The following WDFY4 variants were observed in gnomAD, a reference collection of about 807,000 sequenced individuals.
WDFY4 encodes the protein WD repeat- and FYVE domain-containing protein 4.
WDFY4 carries 169 observed loss-of-function variants against 351.9 expected under a neutral mutation model. That is an observed-to-expected ratio of 0.48 (90% CI 0.42 to 0.55). The LOEUF (loss-of-function observed/expected upper bound fraction) is 0.55. WDFY4 is among the 20% of genes least tolerant of loss of function. WDFY4 has a pLI of 0.00. For missense variants in WDFY4, 3,803 were observed against 3,935.6 expected, an observed-to-expected ratio of 0.97 and a Z score of 0.90; for synonymous variants, 1,622 against 1,574.6, an observed-to-expected ratio of 1.03 and a Z score of -0.71.
At chr10:48,917,954 G>A (rs1284405135) in intron 47 of WDFY4, among the ~76,000 whole-genome samples, 3 of 152,136 alleles carry the variant, frequency 2.0e-5, no homozygotes, top group Admixed American at 6.5e-5. Flanking sequence ...CTACATAACG[G>A]GGAAGTGAGC....
intron 3 of WDFY4, 107 bp from the exon 4 acceptor site, chr10:48,721,154 T>G (rs1028270204): frequency 1.7e-5 from 18 of 1,072,984 alleles, no homozygotes; most frequent in Non-Finnish European, 2.5e-5. Flanking sequence ...GATGCCAAAG[T>G]CCTCTACAGA....
intron 19 of WDFY4, among the ~76,000 whole-genome samples, chr10:48,781,238 G>A (rs2066212038): frequency 6.6e-6 from 1 of 151,928 alleles, no homozygotes; most frequent in South Asian, 2.1e-4. Context: ...ATGTGTGTGT[G>A]TGTGTGTATA....
chr10:48,907,993 C>T (rs532385981), intron 47 of WDFY4, among the ~76,000 whole-genome samples: 1 of 152,308 alleles, frequency 6.6e-6, no homozygotes, highest in South Asian at 2.1e-4. Context: ...ACACATTTGG[C>T]TTTGTGGGCC....
chr10:48,690,244 A>C (rs1179626206), intron 1 of WDFY4, among the ~76,000 whole-genome samples: 1 of 152,252 alleles, frequency 6.6e-6, no homozygotes, highest in Non-Finnish European at 1.5e-5. Context: ...GTGATCCATC[A>C]GGAGGATGCT....
chr10:48,777,576 A>G, intron 17 of WDFY4, 81 bp downstream of exon 17: 1 of 1,347,562 alleles, frequency 7.4e-7, no homozygotes, highest in Non-Finnish European at 1.0e-6. Context: ...GCAGATTTTT[A>G]CTTGGTGTTT....
intron 35 of WDFY4, among the ~76,000 whole-genome samples, chr10:48,824,466 A>C (rs2067929783): frequency 6.6e-6 from 1 of 152,236 alleles, no homozygotes; most frequent in African/African-American, 2.4e-5. Context: ...TGTTACCATT[A>C]TTTCAGAAAT....
intron 8 of WDFY4, 71 bp from the exon 9 acceptor site, chr10:48,731,039 A>G: frequency 7.1e-7 from 1 of 1,417,854 alleles, no homozygotes; most frequent in Non-Finnish European, 9.4e-7. Context: ...CCCTCTTAGT[A>G]ATGAAAACAT....
chr10:48,804,252 T>C (rs1180003608), intron 25 of WDFY4, among the ~76,000 whole-genome samples: 1 of 152,222 alleles, frequency 6.6e-6, no homozygotes, highest in African/African-American at 2.4e-5. Context: ...TTTGAATGTA[T>C]TTGTAAATGG....
chr10:48,880,262 C>A (rs530734019), intron 43 of WDFY4, among the ~76,000 whole-genome samples: 1 of 152,312 alleles, frequency 6.6e-6, no homozygotes, highest in South Asian at 2.1e-4. Context: ...CTGCAGGTGC[C>A]TTTGACACTT....
intron 23 of WDFY4, among the ~76,000 whole-genome samples, chr10:48,795,352 G>T (rs574882251): frequency 1.3e-5 from 2 of 151,590 alleles, no homozygotes; most frequent in East Asian, 1.9e-4. Context: ...GAGTTGGATT[G>T]CCAGAACTGA....
At chr10:48,877,337 C>T (rs2070059125) in intron 43 of WDFY4, 138 bp downstream of exon 43, 5 of 857,966 alleles carry the variant, frequency 5.8e-6, no homozygotes, top group Admixed American at 2.9e-5. Context: ...ACACAATAAT[C>T]AGTGAAAAAA....
intron 24 of WDFY4, among the ~76,000 whole-genome samples, chr10:48,800,715 TTTCTTTCA>T (rs1316764861): frequency 0.011 from 1,181 of 111,666 alleles, 18 homozygotes; most frequent in Middle Eastern, 0.045. Context: ...TCTTTCTTTC[TTTCTTTCA>T]TTCTTTCTTT....
At chr10:48,917,048 A>G (rs938986092) in intron 47 of WDFY4, among the ~76,000 whole-genome samples, 1 of 152,162 alleles carries the variant, frequency 6.6e-6, no homozygotes, top group African/African-American at 2.4e-5. Context: ...TTGTGTTACA[A>G]TTGCCTATAG....
chr10:48,884,797 C>T (rs768371529), intron 43 of WDFY4, among the ~76,000 whole-genome samples: 8 of 152,144 alleles, frequency 5.3e-5, no homozygotes, highest in Non-Finnish European at 1.2e-4. Flanking sequence ...CTGGTGTCAC[C>T]GCTGCCGCCT....
At chr10:48,917,509 G>A (rs773383507) in intron 47 of WDFY4, among the ~76,000 whole-genome samples, 5 of 152,168 alleles carry the variant, frequency 3.3e-5, no homozygotes, top group African/African-American at 1.2e-4. Flanking sequence ...GAACAATGAC[G>A]TATCACCCAC....
chr10:48,778,706 C>T lies in WDFY4; in HGVS notation c.3271C>T (p.Arg1091Cys), dbSNP rs560423094. The T allele has an allele frequency of 2.4e-5, 37 of 1,551,650 alleles. No homozygotes were observed. The Admixed American group carries it at 3.7e-4, about 16-fold the overall frequency. ...AGCTGCCACTGAGGGCCACCCGCTG[C>T]GCTTCCTGACGTTGGTGCGCCACCT... ...HGAATEGHPL[R>C]FLTLVRHLAR... The change falls in exon 18 of 62, where the codon CGC becomes TGC. Residue 1091 changes from arginine to cysteine, a missense_variant. Physicochemically the swap from Arg to Cys is radical, Grantham distance 180. Coordinates refer to ENST00000325239, the MANE Select transcript of WDFY4 (RefSeq NM_001394531.1).
intron 12 of WDFY4, among the ~76,000 whole-genome samples, chr10:48,750,073 T>C (rs2065133528): frequency 6.6e-6 from 1 of 152,264 alleles, no homozygotes. Flanking sequence ...CACTTACTCC[T>C]CTGGCTCTGC....
chr10:48,795,041 G>C, intron 23 of WDFY4, among the ~76,000 whole-genome samples: 1 of 152,128 alleles, frequency 6.6e-6, no homozygotes, highest in Admixed American at 6.5e-5. Context: ...AGGAGGAAGA[G>C]ATCCAGGGTT....
At chr10:48,736,135 C>T (rs1309511365) in intron 11 of WDFY4, 65 bp downstream of exon 11, 1 of 1,534,734 alleles carries the variant, frequency 6.5e-7, no homozygotes, top group African/African-American at 1.4e-5. Flanking sequence ...TCCACATTTG[C>T]TCAGGCATTT....
Sources: allele counts gnomAD v4.1 joint callset (sites outside exome capture counted in the v4.1 genomes callset), GRCh38; gene constraint gnomAD v4.1.1; transcripts MANE v1.5; gene names NCBI Gene and HGNC (gene_info 2026-07-23, HGNC 2026-07-21).